NUTM2F: variants seen among roughly 807,000 people sequenced by gnomAD.
NUTM2F encodes the protein family with sequence similarity 22, member F.
NUTM2F carries 22 observed loss-of-function variants against 43.3 expected under a neutral mutation model. That is an observed-to-expected ratio of 0.51 (90% CI 0.36 to 0.73). The LOEUF (loss-of-function observed/expected upper bound fraction) is 0.73. Among genes scored for constraint, NUTM2F ranks in the 30% least tolerant of loss-of-function variants. The probability of loss-of-function intolerance (pLI) is 0.00; values close to 1 mark genes in which losing one functional copy is unlikely to be tolerated. For synonymous variants in NUTM2F, 202 were observed against 389.0 expected (o/e 0.52, Z 5.66); for missense variants, 488 against 927.4 (o/e 0.53, Z 6.15).
chr9:94,328,528 C>T (rs1831477675), intron 1 of NUTM2F, 80 bp downstream of exon 1: 1 of 1,608,906 alleles, frequency 6.2e-7, no homozygotes, highest in Non-Finnish European at 8.5e-7. Context: ...ATAAGCTGTC[C>T]CCAGGGACAG....
intron 2 of NUTM2F, among the ~76,000 whole-genome samples, chr9:94,323,293 G>A (rs1221805440): frequency 5.9e-5 from 9 of 152,206 alleles, no homozygotes; most frequent in South Asian, 2.1e-4. Context: ...GGAGGAAGAC[G>A]GGGCCGCCTT....
At chr9:94,322,841 T>C (rs1368066563) in intron 2 of NUTM2F, among the ~76,000 whole-genome samples, 1 of 152,190 alleles carries the variant, frequency 6.6e-6, no homozygotes, top group Non-Finnish European at 1.5e-5. Flanking sequence ...CTGGGACTTC[T>C]GGCCTCTGGA....
intron 2 of NUTM2F, among the ~76,000 whole-genome samples, 177 bp downstream of exon 2, chr9:94,325,061 A>C (rs1831433218): frequency 7.1e-6 from 1 of 140,126 alleles, no homozygotes; most frequent in Non-Finnish European, 1.5e-5. Flanking sequence ...GGCCCCTGAC[A>C]GTCTGTCCTG....
chr9:94,320,300 C>T lies in NUTM2F; in HGVS notation c.1276G>A (p.Glu426Lys), dbSNP rs1156746220. The T allele has an allele frequency of 6.2e-7, 1 of 1,613,964 alleles. No individual in the cohort carries two copies. The highest frequency in any genetic ancestry group is 1.3e-5 in the African/African-American group (1 of 75,042). The change falls in exon 5 of 7, where the codon GAG (glutamate) becomes AAG (lysine). Residue 426 changes from glutamate to lysine, a missense_variant. By Grantham distance (56) the Glu-to-Lys change is moderately conservative. Transcript: ENST00000253262. The surrounding 1 kb of genome is among the most constrained non-coding windows in gnomAD (Gnocchi z 4.5). The part of the protein sequence containing the change: ...PEGQREKGKV[E>K]QPQEEDGITS... Reference sequence around the variant, plus strand: ...ATCCCGTCCTCTTCCTGCGGCTGCTCCACTTTGCCCTTTTCCCGTTGTCCC... The same window carrying T: ...ATCCCGTCCTCTTCCTGCGGCTGCTTCACTTTGCCCTTTTCCCGTTGTCCC...
At chr9:94,326,278 G>C (rs1046317370) in intron 1 of NUTM2F, among the ~76,000 whole-genome samples, 4 of 150,546 alleles carry the variant, frequency 2.7e-5, no homozygotes. Flanking sequence ...CGGTGGCTTG[G>C]TGGCTCTCAG....
chr9:94,324,126 T>A (rs992948792), intron 2 of NUTM2F, among the ~76,000 whole-genome samples: 1 of 150,080 alleles, frequency 6.7e-6, no homozygotes, highest in African/African-American at 2.5e-5. Context: ...AAAAATTAGC[T>A]GGGCATGGTG....
At position 94,319,183 on chromosome 9, in the gene NUTM2F, GT is replaced by G; in HGVS notation, c.1552del (p.Thr518ArgfsTer70). On this transcript the variant is annotated frameshift_variant, in exon 7 of 7. Transcript: ENST00000253262. LOFTEE classifies it low-confidence loss of function (END_TRUNC). Reference protein sequence around the residue: ...GCGRAAPRHGTARLDSSPSEF... With the variant: ...GCGRAAPRHGXARLDSSPSEF... ...AGAAGGACTTGAGTCCAACCTGGCC[GT>G]GCCATGTCGAGGGGCTGCCCTCCCG... 1 of 1,195,386 alleles carries G rather than the reference GT, an allele frequency of 8.4e-7. No individual in the cohort carries two copies. Among genetic ancestry groups the G allele is most frequent in the Non-Finnish European group, 1.1e-6 (1 of 871,880 alleles). 74.0% of individuals were successfully genotyped at this position (1,195,386 alleles called of 1,614,324 possible). A position where few individuals can be genotyped will look rare whatever the true frequency, so the allele number is the denominator to read the frequency against.
intron 2 of NUTM2F, among the ~76,000 whole-genome samples, chr9:94,323,172 T>C (rs558853933): frequency 6.6e-6 from 1 of 152,064 alleles, no homozygotes; most frequent in Admixed American, 6.6e-5. Context: ...GGCAAAGGCC[T>C]GTGAGCCCGG....
rs368098627 is a variant in NUTM2F, at chr9:94,323,771, T to C, written c.714-1442A>G. ...GATTGACGGTGAAGATGCTAATACC[T>C]GCCCAGCATCGACCCTAGTGCGGGT... On this transcript the variant is annotated intron_variant, in intron 2 of 6. Coordinates refer to ENST00000253262, the MANE Select transcript of NUTM2F (RefSeq NM_017561.2). Among the ~76,000 whole-genome samples, 22 of 152,300 alleles carry C rather than the reference T, an allele frequency of 1.4e-4. 1 individual carries two copies. The East Asian group carries it at 3.9e-3, about 27-fold the overall frequency.
Position 94,318,259 on chromosome 9 carries a change from A to AC in NUTM2F, c.*205dup. On this transcript the variant is annotated 3_prime_UTR_variant, in exon 7 of 7. Coordinates refer to ENST00000253262, the MANE Select transcript of NUTM2F (RefSeq NM_017561.2). The stretch of plus-strand genomic sequence containing the variant: ...CAAGGCCCCCAAGGCACTGCTTCCC[A>AC]CCCCCCAGGCCCTCCCTTCCTGCCC... 4.9e-6 allele frequency: 1 copy of AC among 204,662 alleles called. No individual in the cohort carries two copies. The highest frequency in any genetic ancestry group is 8.5e-6 in the Non-Finnish European group (1 of 117,404). 12.7% of individuals were successfully genotyped at this position (204,662 alleles called of 1,614,324 possible). A position where few individuals can be genotyped will look rare whatever the true frequency, so the allele number is the denominator to read the frequency against.
rs1013426311 is a variant in NUTM2F at position 94,320,997 on chromosome 9, C to A, written c.982+96G>T. On this transcript the variant is annotated intron_variant, in intron 4 of 6. Transcript: ENST00000253262. This position sits in a 1 kb window ranked among gnomAD's most constrained non-coding sequence, Gnocchi z 4.5. ...GCTGTCCTGTTGGAGGGAGCAAATC[C>A]CCCTCTTGAAGGGAAGCATGGGGTG... is the stretch of plus-strand genomic sequence containing the variant. 18 of 1,478,534 alleles carry A rather than the reference C, an allele frequency of 1.2e-5. No homozygotes were observed. The highest frequency in any genetic ancestry group is 1.4e-5 in the African/African-American group (1 of 71,246). 91.6% of individuals were successfully genotyped at this position (1,478,534 alleles called of 1,614,324 possible). A position where few individuals can be genotyped will look rare whatever the true frequency, so the allele number is the denominator to read the frequency against.
chr9:94,320,267 C>A lies in NUTM2F; in HGVS notation c.1309G>T (p.Asp437Tyr). ...QPQEEDGITS[D>Y]PGLLSYIDKL... Reference sequence around the variant, plus strand: ...TCAATGTAGCTCAGGAGGCCCGGGTCTGAGGTTATCCCGTCCTCTTCCTGC... The same window carrying A: ...TCAATGTAGCTCAGGAGGCCCGGGTATGAGGTTATCCCGTCCTCTTCCTGC... The change falls in exon 5 of 7, where the codon GAC becomes TAC. Residue 437 changes from aspartate to tyrosine, a missense_variant. Coordinates refer to ENST00000253262, the MANE Select transcript of NUTM2F (RefSeq NM_017561.2). The surrounding 1 kb of genome is among the most constrained non-coding windows in gnomAD (Gnocchi z 4.5). 6.2e-7 allele frequency: 1 copy of A among 1,614,018 alleles called. No homozygotes were observed. Among genetic ancestry groups the A allele is most frequent in the Non-Finnish European group, 8.5e-7 (1 of 1,179,876 alleles).
rs1564101408 is a variant in NUTM2F at position 94,320,603 on chromosome 9, A to G, written c.983-10T>C. 1 of 1,597,438 alleles carries G rather than the reference A, an allele frequency of 6.3e-7. No homozygotes were observed. The highest frequency in any genetic ancestry group is 8.5e-7 in the Non-Finnish European group (1 of 1,176,896). On this transcript the variant is annotated splice_polypyrimidine_tract_variant and intron_variant, in intron 4 of 6. Coordinates refer to ENST00000253262, the MANE Select transcript of NUTM2F (RefSeq NM_017561.2). This position sits in a 1 kb window ranked among gnomAD's most constrained non-coding sequence, Gnocchi z 4.5. ...TTGCTGGGAAGGTACACTGAGGCAG[A>G]GAGGGAGGAGGATGGGTGTGGTGAG...
Position 94,327,106 on chromosome 9 carries a change from CTT to C in NUTM2F, c.17-1174_17-1173del, listed in dbSNP as rs374345559. Among the ~76,000 whole-genome samples the C allele has an allele frequency of 5.9e-4, 64 of 108,776 alleles. No homozygotes were observed. The South Asian group carries it at 6.9e-3, about 12-fold the overall frequency. The allele number at this position is 108,776 out of a possible 152,430, so 71.4% of individuals were successfully genotyped here. The stretch of plus-strand genomic sequence containing the variant: ...GGTGTCTAGGGATTTTCTTTTTTTT[CTT>C]TTTTTTTTTTTTTGAGACGGAGTCT... On this transcript the variant is annotated intron_variant, in intron 1 of 6. Coordinates refer to ENST00000253262, the MANE Select transcript of NUTM2F (RefSeq NM_017561.2).
chr9:94,324,201 CA>C (rs1201593024), intron 2 of NUTM2F, among the ~76,000 whole-genome samples: 1 of 151,364 alleles, frequency 6.6e-6, no homozygotes, highest in Non-Finnish European at 1.5e-5. Flanking sequence ...ACCTAGGAGG[CA>C]GAGGTTGCGG....
chr9:94,323,744 G>A (rs553209049), intron 2 of NUTM2F, among the ~76,000 whole-genome samples: 1 of 152,114 alleles, frequency 6.6e-6, no homozygotes, highest in African/African-American at 2.4e-5. Flanking sequence ...TTTTCTAGGG[G>A]GGATTGACGG....
Position 94,325,541 on chromosome 9 carries a change from G to C in NUTM2F, c.410C>G (p.Ser137Cys), listed in dbSNP as rs202099818. 0.066 allele frequency: 96,029 copies of C among 1,450,060 alleles called. 7,509 individuals carry two copies. Among genetic ancestry groups the C allele is most frequent in the East Asian group, 0.35 (12,823 of 36,580 alleles). 89.8% of individuals were successfully genotyped at this position (1,450,060 alleles called of 1,614,324 possible). A position where few individuals can be genotyped will look rare whatever the true frequency, so the allele number is the denominator to read the frequency against. ...LAAAPGVPVT[S>C]AQVVGGTQAC... ...CTGGGTGCCCCCAACCACCTGGGCA[G>C]AGGTAACGGGCACCCCAGGAGCAGC... The change falls in exon 2 of 7, where the codon TCT becomes TGT. Residue 137 changes from serine to cysteine, a missense_variant. Physicochemically the swap from Ser to Cys is moderately radical, Grantham distance 112. Transcript: ENST00000253262.
At chr9:94,322,676 G>A (rs530770185) in intron 2 of NUTM2F, among the ~76,000 whole-genome samples, 74 of 152,208 alleles carry the variant, frequency 4.9e-4, no homozygotes, top group Admixed American at 4.3e-3. Flanking sequence ...AGCAGGTCAT[G>A]AGCGTGGGTC....
Position 94,325,597 on chromosome 9 carries a change from A to G in NUTM2F, c.354T>C (p.Gly118=). The change falls in exon 2 of 7, where the codon GGT becomes GGC. Residue 118 remains glycine, a synonymous_variant. Transcript: ENST00000253262. The stretch of plus-strand genomic sequence containing the variant: ...GGAGTAGGGGAGGTGGACACATGAC[A>G]CCTCCACAGAGGGTGCCTGGAGCCT... The part of the protein sequence containing the change: ...VWQAPGTLCG[G]VMCPPPLLLA... 1.3e-6 allele frequency: 2 copies of G among 1,589,824 alleles called. No homozygotes were observed. Among genetic ancestry groups the G allele is most frequent in the Admixed American group, 3.5e-5 (2 of 57,086 alleles).
Sources: gnomAD v4.1 joint callset for allele counts (sites outside exome capture counted in the v4.1 genomes callset) on GRCh38, gnomAD v4.1.1 for gene constraint, Gnocchi (gnomAD v3.1) non-coding constraint, MANE v1.5 for transcripts, NCBI Gene and HGNC (gene_info 2026-07-23, HGNC 2026-07-21) for gene names.